The following CACNA2D3 variants were observed in gnomAD, a reference collection of about 807,000 sequenced individuals.
CACNA2D3 encodes the protein voltage-dependent calcium channel subunit alpha-2/delta-3.
Under a neutral mutation model 160.6 loss-of-function variants are expected in CACNA2D3, and 60 were observed. The ratio of observed to expected loss-of-function variants is 0.37; its 90% CI spans 0.30 to 0.46. The LOEUF (loss-of-function observed/expected upper bound fraction) is 0.46, where lower values mean the gene tolerates loss of function less well. Ranked by LOEUF, CACNA2D3 falls within the 20% of genes least tolerant of loss-of-function variation. The probability of loss-of-function intolerance (pLI) is 1.00; values close to 1 mark genes in which losing one functional copy is unlikely to be tolerated. For synonymous variants in CACNA2D3, 558 were observed against 492.9 expected, an observed-to-expected ratio of 1.13 and a Z score of -1.75; for missense variants, 1,205 against 1,365.0, an observed-to-expected ratio of 0.88 and a Z score of 1.85.
chr3:54,753,050 G>A (rs1559569648), intron 12 of CACNA2D3, among the ~76,000 whole-genome samples: 1 of 151,914 alleles, frequency 6.6e-6, no homozygotes, highest in Non-Finnish European at 1.5e-5. Context: ...TAGTAGAGAC[G>A]GGGTTTCGCC....
intron 2 of CACNA2D3, among the ~76,000 whole-genome samples, chr3:54,176,070 A>G (rs1700672252): frequency 6.6e-6 from 1 of 152,232 alleles, no homozygotes; most frequent in African/African-American, 2.4e-5. Flanking sequence ...ACTTCAGAGA[A>G]TACTGTGCAT....
chr3:54,378,960 A>C (rs1699055433), intron 3 of CACNA2D3, among the ~76,000 whole-genome samples: 1 of 152,242 alleles, frequency 6.6e-6, no homozygotes, highest in South Asian at 2.1e-4. Flanking sequence ...AATTGATAAC[A>C]GGTATCTCTT....
intron 3 of CACNA2D3, among the ~76,000 whole-genome samples, chr3:54,382,645 G>A (rs1172040902): frequency 6.6e-6 from 1 of 152,188 alleles, no homozygotes; most frequent in Admixed American, 6.5e-5. Context: ...TTAGCCGGGA[G>A]TGATGGCGCA....
intron 3 of CACNA2D3, among the ~76,000 whole-genome samples, chr3:54,382,937 T>C (rs1699128048): frequency 6.6e-6 from 1 of 152,252 alleles, no homozygotes; most frequent in Admixed American, 6.5e-5. Context: ...AGCCTCTGCC[T>C]CCCAGGCTCA....
At chr3:54,467,632 G>A (rs1700652402) in intron 4 of CACNA2D3, among the ~76,000 whole-genome samples, 1 of 152,090 alleles carries the variant, frequency 6.6e-6, no homozygotes, top group Non-Finnish European at 1.5e-5. Flanking sequence ...AGGCACATAA[G>A]GAAAAATACT....
intron 4 of CACNA2D3, among the ~76,000 whole-genome samples, chr3:54,485,118 T>G (rs933679408): frequency 6.6e-6 from 1 of 152,086 alleles, no homozygotes; most frequent in Non-Finnish European, 1.5e-5. Flanking sequence ...GTGCTGGGAT[T>G]ACAGGCATGA....
In CACNA2D3 at chr3:55,043,767, G is replaced by A. The variant is rs147178077; in HGVS notation, c.2987+25450G>A. ...GCTTTCTTCTATAAATTTTATACTC[G>A]TCAGCTTTACATTTAGGTCTGTGAT... On this transcript the variant is annotated intron_variant, in intron 35 of 37. Transcript: ENST00000474759. Among the ~76,000 whole-genome samples the A allele has an allele frequency of 2.5e-3, 375 of 152,016 alleles. 4 individuals carry two copies. The highest frequency in any genetic ancestry group is 8.4e-3 in the African/African-American group (347 of 41,468).
chr3:54,556,679 AG>A (rs1229819403), intron 5 of CACNA2D3, among the ~76,000 whole-genome samples: 2 of 152,200 alleles, frequency 1.3e-5, no homozygotes, highest in East Asian at 3.9e-4. Flanking sequence ...AGTAAAGCAA[AG>A]GGGTCTTTTA....
At chr3:54,386,821 AAAGGAC>A (rs2106661492) in intron 4 of CACNA2D3, 47 bp downstream of exon 4, 2 of 1,502,288 alleles carry the variant, frequency 1.3e-6, no homozygotes, top group East Asian at 4.7e-5. Flanking sequence ...GTTTCCTGCC[AAAGGAC>A]AAGTACCAGG....
chr3:54,740,978 G>A (rs1275179275), intron 11 of CACNA2D3, among the ~76,000 whole-genome samples: 1 of 152,142 alleles, frequency 6.6e-6, no homozygotes, highest in Non-Finnish European at 1.5e-5. Flanking sequence ...AGAGGCATGC[G>A]GCTTCTTACT....
chr3:54,770,019 A>G (rs966615683), intron 13 of CACNA2D3, among the ~76,000 whole-genome samples: 2 of 152,168 alleles, frequency 1.3e-5, no homozygotes, highest in Admixed American at 6.5e-5. Flanking sequence ...CCCTTGCTGA[A>G]TTACACAAGG....
At chr3:54,584,073 C>T (rs115053072) in intron 9 of CACNA2D3, among the ~76,000 whole-genome samples, 3,226 of 151,968 alleles carry the variant, frequency 0.021, 61 homozygotes, top group Middle Eastern at 0.075. Flanking sequence ...CCATGCATAC[C>T]CCCTTGGCCC....
At chr3:55,000,360 C>G (rs546993279) in intron 31 of CACNA2D3, among the ~76,000 whole-genome samples, 1 of 151,986 alleles carries the variant, frequency 6.6e-6, no homozygotes. Context: ...TTTGTAACCT[C>G]GTCAATGGCA....
At chr3:54,697,079 C>A (rs1468153619) in intron 11 of CACNA2D3, among the ~76,000 whole-genome samples, 1 of 152,104 alleles carries the variant, frequency 6.6e-6, no homozygotes, top group African/African-American at 2.4e-5. Flanking sequence ...GAGTTCAAGA[C>A]CAGCCCAGGC....
intron 13 of CACNA2D3, among the ~76,000 whole-genome samples, chr3:54,803,599 G>A (rs1488495260): frequency 1.3e-5 from 2 of 152,230 alleles, no homozygotes; most frequent in Admixed American, 6.5e-5. Context: ...TGAAAGTGAT[G>A]TGGAGAATGG....
At chr3:54,978,625 C>G (rs1346306101) in intron 29 of CACNA2D3, among the ~76,000 whole-genome samples, 2 of 152,108 alleles carry the variant, frequency 1.3e-5, no homozygotes, top group Admixed American at 6.6e-5. Context: ...TAAAATTATC[C>G]CAAGTAAACT....
chr3:54,341,686 A>G (rs998778897), intron 3 of CACNA2D3, among the ~76,000 whole-genome samples: 21 of 152,218 alleles, frequency 1.4e-4, no homozygotes, highest in African/African-American at 5.1e-4. Context: ...GATAGCTACT[A>G]GGTATTTAGA....
At chr3:54,702,293 A>C (rs1700782400) in intron 11 of CACNA2D3, among the ~76,000 whole-genome samples, 1 of 152,222 alleles carries the variant, frequency 6.6e-6, no homozygotes, top group Non-Finnish European at 1.5e-5. Context: ...TCTGCACAGC[A>C]AAAGAAGTTA....
At chr3:54,607,633 C>A (rs1296707906) in intron 9 of CACNA2D3, among the ~76,000 whole-genome samples, 4 of 152,172 alleles carry the variant, frequency 2.6e-5, no homozygotes, top group Non-Finnish European at 5.9e-5. Context: ...TAAAATAGTG[C>A]AGCCATTCTG....
Sources: gnomAD v4.1 joint callset for allele counts (sites outside exome capture counted in the v4.1 genomes callset) on GRCh38, gnomAD v4.1.1 for gene constraint, MANE v1.5 for transcripts, NCBI Gene and HGNC (gene_info 2026-07-23, HGNC 2026-07-21) for gene names.